MTA2: variants seen among roughly 807,000 people sequenced by gnomAD.
The protein encoded by MTA2 is metastasis-associated protein MTA2.
A neutral mutation model predicts 87.1 loss-of-function variants in MTA2; 22 were observed. The observed-to-expected ratio is 0.25, with a 90% CI of 0.18 to 0.36. MTA2 has a LOEUF of 0.36. Among genes scored for constraint, MTA2 ranks in the 10% least tolerant of loss-of-function variants. The pLI is 1.00. For missense variants in MTA2, 542 were observed against 853.2 expected (o/e 0.64, Z 4.54); for synonymous variants, 314 against 310.1 (o/e 1.01, Z -0.13).
At position 62,595,346 on chromosome 11, in the gene MTA2, G is replaced by C; in HGVS notation, c.1401C>G (p.Arg467=). ...QTTKLTRLAR[R]MCRDLLQPRR... is the part of the protein sequence containing the mutation. ...TTGGCTGTAATAGGTCCCTGCACATGCGTCTGGCAAGACGGGTCAGCTTTG... is the reference window on the plus strand; with the variant it reads ...TTGGCTGTAATAGGTCCCTGCACATCCGTCTGGCAAGACGGGTCAGCTTTG... Residue 467 remains arginine (R), a synonymous_variant, in exon 14 of 18, where the codon CGC becomes CGG. Transcript: ENST00000278823. The surrounding 1 kb of genome is among the most constrained non-coding windows in gnomAD (Gnocchi z 4.9). The C allele has an allele frequency of 1.9e-6, 3 of 1,614,206 alleles. No individual in the cohort carries two copies. Among genetic ancestry groups the C allele is most frequent in the Non-Finnish European group, 2.5e-6 (3 of 1,180,030 alleles).
intron 17 of MTA2, 60 bp downstream of exon 17, chr11:62,594,199 C>T (rs1942064365): frequency 6.2e-7 from 1 of 1,602,974 alleles, no homozygotes; most frequent in African/African-American, 1.3e-5. Flanking sequence ...GATACTCCTA[C>T]TCCCCACACT....
At chr11:62,594,891 C>T in intron 15 of MTA2, 90 bp downstream of exon 15, 1 of 1,207,064 alleles carries the variant, frequency 8.3e-7, no homozygotes, top group Non-Finnish European at 1.2e-6. Flanking sequence ...TCTGAGGACA[C>T]TATGAGGAAG....
At chr11:62,600,580 G>C in intron 2 of MTA2, 42 bp downstream of exon 2, 2 of 1,568,122 alleles carry the variant, frequency 1.3e-6, no homozygotes, top group Non-Finnish European at 1.8e-6. Flanking sequence ...CCTCAGAAGA[G>C]ACCACTGCGG....
chr11:62,594,067 A>G, intron 17 of MTA2, 27 bp from the exon 18 acceptor site: 1 of 1,572,958 alleles, frequency 6.4e-7, no homozygotes, highest in Non-Finnish European at 8.6e-7. Context: ...AGTGGGAAAC[A>G]GAAAAGGCTT....
rs749454475 is a variant in MTA2, at chr11:62,595,433, T to A, written c.1314A>T (p.Thr438=). 3.1e-6 allele frequency: 5 copies of A among 1,614,076 alleles called. No homozygotes were observed. The highest frequency in any genetic ancestry group is 4.2e-6 in the Non-Finnish European group (5 of 1,180,050). ...RPEAQSLSPY[T]TSANRAKLLA... ...GTAGCTTGGCCCTGTTGGCGCTGGTTGTGTAAGGAGAGAGACTTTGAGCTT... is the reference window on the plus strand; with the variant it reads ...GTAGCTTGGCCCTGTTGGCGCTGGTAGTGTAAGGAGAGAGACTTTGAGCTT... The change falls in exon 14 of 18, where the codon ACA becomes ACT. Residue 438 remains threonine (T), a synonymous_variant. Transcript: ENST00000278823. The surrounding 1 kb of genome is among the most constrained non-coding windows in gnomAD (Gnocchi z 4.9).
chr11:62,597,422 G>C lies in MTA2; in HGVS notation c.594-7C>G. 6.2e-7 allele frequency: 1 copy of C among 1,605,370 alleles called. No individual in the cohort carries two copies. Among genetic ancestry groups the C allele is most frequent in the South Asian group, 1.1e-5 (1 of 89,396 alleles). Reference sequence around the variant, plus strand: ...TGCAAAGGTTCCCACAGCTCTAAGGGAGAAATTGAGAAGTCAAAAGCGAAA... The same window carrying C: ...TGCAAAGGTTCCCACAGCTCTAAGGCAGAAATTGAGAAGTCAAAAGCGAAA... On this transcript the variant is annotated splice_region_variant and splice_polypyrimidine_tract_variant and intron_variant, in intron 7 of 17. Transcript: ENST00000278823.
chr11:62,594,299 C>A lies in MTA2; in HGVS notation c.1801G>T (p.Ala601Ser). 6.2e-7 allele frequency: 1 copy of A among 1,614,202 alleles called. No homozygotes were observed. The highest frequency in any genetic ancestry group is 8.5e-7 in the Non-Finnish European group (1 of 1,180,034). The change falls in exon 17 of 18, where the codon GCC becomes TCC. Residue 601 changes from alanine to serine, a missense_variant. Coordinates refer to ENST00000278823, the MANE Select transcript of MTA2 (RefSeq NM_004739.4). ...GCCACAAACACCACAGGATTGGGGG[C>A]ATCAGCTGGGTTTAGTTTCTGACGC... is the stretch of plus-strand genomic sequence containing the variant. ...AKRQKLNPAD[A>S]PNPVVFVATK... is the part of the protein sequence containing the mutation.
At chr11:62,596,853 G>A (rs933832826) in intron 8 of MTA2, 28 bp from the exon 9 acceptor site, 4 of 1,571,772 alleles carry the variant, frequency 2.5e-6, no homozygotes, top group Non-Finnish European at 3.4e-6. Flanking sequence ...AGCAACTGAG[G>A]ACCTGAAACT....
intron 2 of MTA2, 52 bp from the exon 3 acceptor site, chr11:62,600,311 C>A (rs1202152716): frequency 1.4e-6 from 2 of 1,481,108 alleles, no homozygotes; most frequent in South Asian, 1.1e-5. Context: ...GGAAATTGAT[C>A]ATCTGGGAAC....
Position 62,596,712 on chromosome 11 carries a change from T to C in MTA2, c.807A>G (p.Ser269=). ...CCTCAAATAGCATGGCCTCTGAGGC[T>C]GACCATTCCTCCATCTCATCCCGAC... is the stretch of plus-strand genomic sequence containing the variant. ...VLCRDEMEEW[S]ASEAMLFEEA... Residue 269 remains serine (S), a synonymous_variant, in exon 9 of 18, where the codon TCA becomes TCG. Transcript: ENST00000278823. 6.2e-7 allele frequency: 1 copy of C among 1,614,204 alleles called. No homozygotes were observed. Among genetic ancestry groups the C allele is most frequent in the Non-Finnish European group, 8.5e-7 (1 of 1,180,008 alleles).
intron 3 of MTA2, chr11:62,599,201 TAGC>T (rs1942141329): frequency 6.5e-6 from 1 of 154,168 alleles, no homozygotes; most frequent in Non-Finnish European, 1.4e-5. Flanking sequence ...CCCTGAAACC[TAGC>T]GGAAGGGGTT....
intron 3 of MTA2, among the ~76,000 whole-genome samples, chr11:62,599,911 G>A (rs1366982149): frequency 2.0e-5 from 3 of 152,116 alleles, no homozygotes; most frequent in African/African-American, 4.8e-5. Flanking sequence ...TCTAAAGCTC[G>A]TCCTCATACT....
chr11:62,600,260 C>A lies in MTA2; in HGVS notation c.97-1G>T. ...TTGCCTCCACATTTCCATTTGCAGT[C>A]TAAGGGGAGGAAAAAAACAAAAACA... On this transcript the variant is annotated splice_acceptor_variant, in intron 2 of 17. Coordinates refer to ENST00000278823, the MANE Select transcript of MTA2 (RefSeq NM_004739.4). LOFTEE classifies it high-confidence loss of function. 1 of 1,613,754 alleles carries A rather than the reference C, an allele frequency of 6.2e-7. No homozygotes were observed. The highest frequency in any genetic ancestry group is 1.1e-5 in the South Asian group (1 of 91,000).
At chr11:62,600,853 G>A (rs979734696) in intron 1 of MTA2, among the ~76,000 whole-genome samples, 164 bp from the exon 2 acceptor site, 2 of 152,084 alleles carry the variant, frequency 1.3e-5, no homozygotes, top group Admixed American at 6.5e-5. Flanking sequence ...AGAAAATAAG[G>A]ATGTCCCCCA....
At chr11:62,598,289 C>A (rs1565045287) in intron 5 of MTA2, 38 bp downstream of exon 5, 1 of 1,599,142 alleles carries the variant, frequency 6.3e-7, no homozygotes, top group African/African-American at 1.3e-5. Context: ...CGGGCAATAC[C>A]CATTCCCCTC....
chr11:62,601,031 A>G, intron 1 of MTA2: 1 of 479,522 alleles, frequency 2.1e-6, no homozygotes, highest in African/African-American at 2.0e-5. Context: ...ACCTTTTCGA[A>G]TCGAGGCGCA....
chr11:62,595,186 T>C lies in MTA2; in HGVS notation c.1483+78A>G. On this transcript the variant is annotated intron_variant, in intron 14 of 17. Transcript: ENST00000278823. This position sits in a 1 kb window ranked among gnomAD's most constrained non-coding sequence, Gnocchi z 4.9. ...TGTGGCCTACTATCCCTCCTGTTAT[T>C]AGACATCCAGAGAAACAACGGTCTC... is the stretch of plus-strand genomic sequence containing the variant. 4 of 1,550,574 alleles carry C rather than the reference T, an allele frequency of 2.6e-6. No individual in the cohort carries two copies. Among genetic ancestry groups the C allele is most frequent in the Non-Finnish European group, 2.7e-6 (3 of 1,127,484 alleles).
At position 62,595,308 on chromosome 11, in the gene MTA2, C is replaced by T; in HGVS notation, c.1439G>A (p.Arg480Gln). 6.2e-7 allele frequency: 1 copy of T among 1,614,214 alleles called. No homozygotes were observed. Among genetic ancestry groups the T allele is most frequent in the Non-Finnish European group, 8.5e-7 (1 of 1,180,044 alleles). Residue 480 changes from arginine (R) to glutamine (Q), a missense_variant, in exon 14 of 18, where the codon CGA becomes CAA. Physicochemically the swap from Arg to Gln is conservative, Grantham distance 43. Transcript: ENST00000278823. This position sits in a 1 kb window ranked among gnomAD's most constrained non-coding sequence, Gnocchi z 4.9. Reference sequence around the variant, plus strand: ...GGCATTGATAGGAGCATAAGGCCGTCGGGCGGCCCTCCTTGGCTGTAATAG... The same window carrying T: ...GGCATTGATAGGAGCATAAGGCCGTTGGGCGGCCCTCCTTGGCTGTAATAG... ...RDLLQPRRAA[R>Q]RPYAPINANA...
intron 8 of MTA2, 114 bp downstream of exon 8, chr11:62,597,202 C>CA (rs1324581343): frequency 2.7e-6 from 2 of 732,664 alleles, no homozygotes; most frequent in Non-Finnish European, 2.2e-6. Context: ...CAAAACAAAA[C>CA]AAACAAAAAA....
Sources: allele counts gnomAD v4.1 joint callset (sites outside exome capture counted in the v4.1 genomes callset), GRCh38; gene constraint gnomAD v4.1.1; non-coding constraint Gnocchi (gnomAD v3.1); transcripts MANE v1.5; gene names NCBI Gene and HGNC (gene_info 2026-07-23, HGNC 2026-07-21).